CYTH3: variants seen among roughly 807,000 people sequenced by gnomAD.
The protein encoded by CYTH3 is cytohesin-3.
A neutral mutation model predicts 55.1 loss-of-function variants in CYTH3; 23 were observed. The observed-to-expected ratio is 0.42, with a 90% CI of 0.30 to 0.59. The LOEUF (loss-of-function observed/expected upper bound fraction) is 0.59, where lower values mean the gene tolerates loss of function less well. Among genes scored for constraint, CYTH3 ranks in the 20% least tolerant of loss-of-function variants. The pLI, the probability that CYTH3 is intolerant of heterozygous loss-of-function variation, is 0.20. For synonymous variants in CYTH3, 249 were observed against 194.9 expected (o/e 1.28, Z -2.31); for missense variants, 413 against 524.8 (o/e 0.79, Z 2.08).
intron 1 of CYTH3, among the ~76,000 whole-genome samples, chr7:6,227,034 C>T (rs1221285177): frequency 3.3e-5 from 5 of 149,984 alleles, no homozygotes; most frequent in Admixed American, 6.7e-5. Context: ...GAGCTGAGAT[C>T]GCGCCACTGC....
intron 1 of CYTH3, among the ~76,000 whole-genome samples, chr7:6,246,440 ATCC>A (rs1394329047): frequency 1.3e-5 from 2 of 151,986 alleles, no homozygotes; most frequent in Non-Finnish European, 2.9e-5. Flanking sequence ...ACATGACCTT[ATCC>A]TGTGATCAAA....
At chr7:6,173,581 G>T in intron 6 of CYTH3, 72 bp downstream of exon 6, 2 of 962,424 alleles carry the variant, frequency 2.1e-6, no homozygotes, top group Non-Finnish European at 3.4e-6. Flanking sequence ...TCAATTCACC[G>T]CCACTGCTGC....
At chr7:6,196,449 TTTTTTTC>T (rs1242577284) in intron 1 of CYTH3, among the ~76,000 whole-genome samples, 1 of 139,230 alleles carries the variant, frequency 7.2e-6, no homozygotes, top group Non-Finnish European at 1.5e-5. Flanking sequence ...ATCTTTTTTC[TTTTTTTC>T]TTTTTTTTTT....
chr7:6,245,781 G>C (rs776969240), intron 1 of CYTH3, among the ~76,000 whole-genome samples: 1 of 152,206 alleles, frequency 6.6e-6, no homozygotes, highest in African/African-American at 2.4e-5. Context: ...GTGCACGCCT[G>C]TAATCCCAGC....
intron 1 of CYTH3, among the ~76,000 whole-genome samples, chr7:6,238,228 T>A (rs1426113301): frequency 6.6e-6 from 1 of 152,014 alleles, no homozygotes; most frequent in Non-Finnish European, 1.5e-5. Context: ...TTCACTTCAA[T>A]ATTTTTTTAA....
At chr7:6,199,507 G>A (rs1446126297) in intron 1 of CYTH3, among the ~76,000 whole-genome samples, 3 of 152,030 alleles carry the variant, frequency 2.0e-5, no homozygotes. Flanking sequence ...AAAAAAACAA[G>A]CAAACAAAAT....
intron 1 of CYTH3, among the ~76,000 whole-genome samples, chr7:6,240,447 C>T (rs1426400420): frequency 6.6e-6 from 1 of 151,946 alleles, no homozygotes; most frequent in Non-Finnish European, 1.5e-5. Flanking sequence ...AGGAGATTAA[C>T]CCTAACTGAT....
At chr7:6,201,178 A>T (rs1784051884) in intron 1 of CYTH3, among the ~76,000 whole-genome samples, 2 of 152,204 alleles carry the variant, frequency 1.3e-5, no homozygotes, top group African/African-American at 4.8e-5. Context: ...ACCACTCGAC[A>T]GTCGGGTGAC....
intron 1 of CYTH3, among the ~76,000 whole-genome samples, chr7:6,224,315 TA>T (rs11458182): frequency 0.16 from 14,002 of 86,596 alleles, 1,824 homozygotes; most frequent in African/African-American, 0.37. Flanking sequence ...CAAAAATAGG[TA>T]AAAAAAAAAA....
chr7:6,217,706 A>T (rs1446873640), intron 1 of CYTH3, among the ~76,000 whole-genome samples: 2 of 152,192 alleles, frequency 1.3e-5, no homozygotes, highest in East Asian at 3.8e-4. Context: ...TCTCAGAAAG[A>T]TTATAGAACA....
chr7:6,210,548 A>C (rs755620154), intron 1 of CYTH3, among the ~76,000 whole-genome samples: 29 of 152,360 alleles, frequency 1.9e-4, no homozygotes, highest in Non-Finnish European at 3.5e-4. Context: ...TGAGAACTTA[A>C]GTTGGGAAGA....
At chr7:6,191,456 TTGTA>T (rs1489843525) in intron 1 of CYTH3, among the ~76,000 whole-genome samples, 3 of 152,160 alleles carry the variant, frequency 2.0e-5, no homozygotes, top group South Asian at 4.1e-4. Context: ...TAAAAGCAGA[TTGTA>T]TGTTATCAAT....
intron 1 of CYTH3, among the ~76,000 whole-genome samples, chr7:6,234,411 G>C (rs189230726): frequency 3.2e-4 from 48 of 152,324 alleles, no homozygotes; most frequent in Non-Finnish European, 5.4e-4. Flanking sequence ...GCCTATTGGA[G>C]GAAAAGGAGA....
At chr7:6,183,941 AAG>A (rs1221685412) in intron 4 of CYTH3, among the ~76,000 whole-genome samples, 2 of 151,520 alleles carry the variant, frequency 1.3e-5, no homozygotes, top group Admixed American at 6.6e-5. Flanking sequence ...GCAAGCCAGG[AAG>A]AGAGCCCTCA....
At chr7:6,207,473 T>C (rs956009833) in intron 1 of CYTH3, among the ~76,000 whole-genome samples, 14 of 152,104 alleles carry the variant, frequency 9.2e-5, no homozygotes, top group African/African-American at 3.4e-4. Context: ...TAATTCAAAC[T>C]TGATGTTTGA....
rs561869437 is a variant in CYTH3 at position 6,163,606 on chromosome 7, A to C, written c.*1338T>G. The C allele has an allele frequency of 4.5e-4, 69 of 152,398 alleles. No individual in the cohort carries two copies. Among genetic ancestry groups the C allele is most frequent in the African/African-American group, 1.4e-3 (58 of 41,562 alleles). The allele number at this position is 152,398 out of a possible 1,614,324, so 9.4% of individuals were successfully genotyped here. On this transcript the variant is annotated 3_prime_UTR_variant, in exon 13 of 13. Coordinates refer to ENST00000350796, the MANE Select transcript of CYTH3 (RefSeq NM_004227.4). Reference sequence around the variant, plus strand: ...GGAGCACTGGGCACCTCCTATCCTTACATCCACAGCAACCTGACAACCTCC... The same window carrying C: ...GGAGCACTGGGCACCTCCTATCCTTCCATCCACAGCAACCTGACAACCTCC...
At chr7:6,193,189 T>A (rs1414632544) in intron 1 of CYTH3, among the ~76,000 whole-genome samples, 4 of 148,240 alleles carry the variant, frequency 2.7e-5, no homozygotes, top group Non-Finnish European at 6.0e-5. Context: ...AAAAGGAAAT[T>A]GGGCAAATGA....
In CYTH3 at chr7:6,264,064, T is replaced by A. The variant is rs141038132; in HGVS notation, c.34+8410A>T. Among the ~76,000 whole-genome samples the A allele has an allele frequency of 7.7e-3, 1,167 of 151,810 alleles. 19 individuals are homozygous for A. Among genetic ancestry groups the A allele is most frequent in the African/African-American group, 0.027 (1,127 of 41,380 alleles). ...AAGTTCAAGACCAGCCTGGCCAACA[T>A]GGTGAAACCCCATCGCTACTAAAAA... On this transcript the variant is annotated intron_variant, in intron 1 of 12. Transcript: ENST00000350796.
At chr7:6,265,826 AG>A (rs1473358019) in intron 1 of CYTH3, among the ~76,000 whole-genome samples, 2 of 152,124 alleles carry the variant, frequency 1.3e-5, no homozygotes, top group Non-Finnish European at 2.9e-5. Context: ...AACCATGAGA[AG>A]GCTTAAGGCA....
Sources: allele counts gnomAD v4.1 joint callset (sites outside exome capture counted in the v4.1 genomes callset), GRCh38; gene constraint gnomAD v4.1.1; transcripts MANE v1.5; gene names NCBI Gene and HGNC (gene_info 2026-07-23, HGNC 2026-07-21).